Variants in LHFPL3 observed in about 807,000 individuals in gnomAD.
LHFPL3 encodes LHFPL tetraspan subfamily member 3.
LHFPL3 carries 5 observed loss-of-function variants against 19.3 expected under a neutral mutation model. The ratio of observed to expected loss-of-function variants is 0.26; its 90% CI spans 0.14 to 0.54. The LOEUF is 0.54. Among genes scored for constraint, LHFPL3 ranks in the 20% least tolerant of loss-of-function variants. The probability of loss-of-function intolerance (pLI) is 0.94; values close to 1 mark genes in which losing one functional copy is unlikely to be tolerated. For synonymous variants in LHFPL3, 133 were observed against 126.2 expected (o/e 1.05, Z -0.36); for missense variants, 249 against 307.4 (o/e 0.81, Z 1.42).
intron 1 of LHFPL3, among the ~76,000 whole-genome samples, chr7:104,496,120 TC>T (rs1401411626): frequency 2.0e-5 from 3 of 152,010 alleles, no homozygotes; most frequent in Non-Finnish European, 4.4e-5. Context: ...CCCTCCTCCT[TC>T]CCCCCACCCC....
intron 1 of LHFPL3, among the ~76,000 whole-genome samples, chr7:104,557,741 A>C (rs1319265663): frequency 6.6e-6 from 1 of 151,358 alleles, no homozygotes; most frequent in Non-Finnish European, 1.5e-5. Context: ...GGTTAGTTAC[A>C]TATGTATACA....
At chr7:104,735,442 G>T (rs1003767950) in intron 1 of LHFPL3, among the ~76,000 whole-genome samples, 1 of 152,178 alleles carries the variant, frequency 6.6e-6, no homozygotes, top group Non-Finnish European at 1.5e-5. Context: ...CAGCCTAGCT[G>T]CCACCTTGCA....
chr7:104,757,402 T>C (rs1378226116), intron 2 of LHFPL3, among the ~76,000 whole-genome samples: 1 of 152,056 alleles, frequency 6.6e-6, no homozygotes, highest in African/African-American at 2.4e-5. Context: ...AAAGAAACTA[T>C]CAACAGAATA....
intron 1 of LHFPL3, among the ~76,000 whole-genome samples, chr7:104,396,642 G>GAA (rs71153193): frequency 0.38 from 52,520 of 137,058 alleles, 10,032 homozygotes; most frequent in Admixed American, 0.5. Flanking sequence ...TACAAAATTA[G>GAA]AAAAAAAAAA....
intron 2 of LHFPL3, 113 bp downstream of exon 2, chr7:104,737,024 T>A: frequency 1.3e-6 from 1 of 768,132 alleles, no homozygotes; most frequent in Non-Finnish European, 2.2e-6. Flanking sequence ...ATTTGCTGCC[T>A]CTTTTAATAC....
intron 2 of LHFPL3, among the ~76,000 whole-genome samples, chr7:104,902,231 A>C (rs943301695): frequency 6.6e-6 from 1 of 152,060 alleles, no homozygotes; most frequent in Non-Finnish European, 1.5e-5. Flanking sequence ...AAAAATTTTA[A>C]ATTAGCTGGG....
At chr7:104,893,106 C>G (rs561611922) in intron 2 of LHFPL3, among the ~76,000 whole-genome samples, 2 of 151,674 alleles carry the variant, frequency 1.3e-5, no homozygotes, top group South Asian at 4.2e-4. Flanking sequence ...CATAGCTACT[C>G]GGGAGGCTGA....
chr7:104,504,471 C>T (rs1177404773), intron 1 of LHFPL3, among the ~76,000 whole-genome samples: 1 of 152,086 alleles, frequency 6.6e-6, no homozygotes, highest in Non-Finnish European at 1.5e-5. Flanking sequence ...AATTACATCC[C>T]TTGGATGGGA....
At chr7:104,620,345 G>T (rs183116086) in intron 1 of LHFPL3, among the ~76,000 whole-genome samples, 1 of 152,304 alleles carries the variant, frequency 6.6e-6, no homozygotes, top group Admixed American at 6.5e-5. Flanking sequence ...AAAGGTGATT[G>T]TTAAGAGTTT....
chr7:104,407,471 A>C (rs984677931), intron 1 of LHFPL3, among the ~76,000 whole-genome samples: 1 of 152,212 alleles, frequency 6.6e-6, no homozygotes, highest in Non-Finnish European at 1.5e-5. Context: ...AGCATGGCCT[A>C]CATGGAGAAA....
chr7:104,460,628 T>C (rs546112078), intron 1 of LHFPL3, among the ~76,000 whole-genome samples: 1 of 152,308 alleles, frequency 6.6e-6, no homozygotes, highest in East Asian at 1.9e-4. Context: ...AATATGATTG[T>C]TGCCCACATG....
chr7:104,449,680 G>A (rs1185121659), intron 1 of LHFPL3, among the ~76,000 whole-genome samples: 1 of 152,140 alleles, frequency 6.6e-6, no homozygotes, highest in African/African-American at 2.4e-5. Flanking sequence ...CAGCCCAACG[G>A]TAATCCTTTG....
chr7:104,867,815 T>C (rs1046604758), intron 2 of LHFPL3, among the ~76,000 whole-genome samples: 4 of 152,160 alleles, frequency 2.6e-5, no homozygotes, highest in Non-Finnish European at 1.5e-5. Context: ...TGAACATCGA[T>C]GAAAAAATCC....
chr7:104,432,752 G>C (rs192810507), intron 1 of LHFPL3, among the ~76,000 whole-genome samples: 12 of 152,278 alleles, frequency 7.9e-5, no homozygotes, highest in African/African-American at 2.6e-4. Context: ...GCCAGGATCT[G>C]AATGTCCTTC....
chr7:104,824,888 TATA>T (rs1258620441), intron 2 of LHFPL3, among the ~76,000 whole-genome samples: 5 of 135,872 alleles, frequency 3.7e-5, no homozygotes, highest in African/African-American at 5.5e-5. Flanking sequence ...ATATATATTA[TATA>T]ATAATTGTAT....
At chr7:104,706,830 G>A (rs1793199072) in intron 1 of LHFPL3, among the ~76,000 whole-genome samples, 1 of 152,140 alleles carries the variant, frequency 6.6e-6, no homozygotes, top group Non-Finnish European at 1.5e-5. Context: ...CAGCATTGAT[G>A]TTAATATTAT....
chr7:104,789,704 G>T (rs1244506186), intron 2 of LHFPL3, among the ~76,000 whole-genome samples: 1 of 152,068 alleles, frequency 6.6e-6, no homozygotes, highest in Non-Finnish European at 1.5e-5. Context: ...ATTACATAAT[G>T]TAGCCATCCA....
At chr7:104,549,448 A>AGC (rs767795813) in intron 1 of LHFPL3, among the ~76,000 whole-genome samples, 2 of 140,238 alleles carry the variant, frequency 1.4e-5, no homozygotes, top group Non-Finnish European at 3.1e-5. Flanking sequence ...CCCTTAACCC[A>AGC]ACACACACAC....
chr7:104,683,092 C>T (rs751487248), intron 1 of LHFPL3, among the ~76,000 whole-genome samples: 2 of 152,194 alleles, frequency 1.3e-5, no homozygotes, highest in Non-Finnish European at 2.9e-5. Context: ...CGGGTTCAAG[C>T]AATTCACCTG....
Sources: gnomAD v4.1 joint callset for allele counts (sites outside exome capture counted in the v4.1 genomes callset) on GRCh38, gnomAD v4.1.1 for gene constraint, MANE v1.5 for transcripts, NCBI Gene and HGNC (gene_info 2026-07-23, HGNC 2026-07-21) for gene names.